Variants in SBF2 observed in about 807,000 individuals in gnomAD.
SBF2 encodes the protein myotubularin-related protein 13.
Under a neutral mutation model 225.2 loss-of-function variants are expected in SBF2, and 112 were observed. That is an observed-to-expected ratio of 0.50 (90% confidence interval 0.43 to 0.58). SBF2 has a LOEUF of 0.58. Ranked by LOEUF, SBF2 falls within the 20% of genes least tolerant of loss-of-function variation. The pLI is 0.00. For synonymous variants in SBF2, 763 were observed against 773.3 expected (o/e 0.99, Z 0.22); for missense variants, 1,996 against 2,206.2 (o/e 0.90, Z 1.91).
At chr11:10,017,933 C>A (rs1426817077) in intron 6 of SBF2, among the ~76,000 whole-genome samples, 2 of 152,104 alleles carry the variant, frequency 1.3e-5, no homozygotes, top group East Asian at 3.9e-4. Context: ...GTAATAACAT[C>A]AGATTTTTCC....
Position 10,002,560 on chromosome 11 carries a change from T to A in SBF2, c.749A>T (p.Tyr250Phe). Residue 250 changes from tyrosine (Y) to phenylalanine (F), a missense_variant, in exon 7 of 40, where the codon TAT (tyrosine) becomes TTT (phenylalanine). Coordinates refer to ENST00000256190, the MANE Select transcript of SBF2 (RefSeq NM_030962.4). ...ALESLMFPLK[Y>F]SYPYIPILPA... ...AATTAACAAATGAAAACCTCACCTA[T>A]ATTTAAGAGGAAACATTAAAGATTC... is the stretch of plus-strand genomic sequence containing the variant. 6.2e-7 allele frequency: 1 copy of A among 1,610,312 alleles called. No homozygotes were observed. The highest frequency in any genetic ancestry group is 8.5e-7 in the Non-Finnish European group (1 of 1,176,794).
chr11:9,854,793 G>A (rs888731859), intron 19 of SBF2, among the ~76,000 whole-genome samples: 1 of 152,100 alleles, frequency 6.6e-6, no homozygotes, highest in Admixed American at 6.5e-5. Context: ...GTCTCACTAT[G>A]TTGCCCAGGC....
chr11:9,881,826 T>G (rs188676749), intron 17 of SBF2, among the ~76,000 whole-genome samples: 210 of 151,318 alleles, frequency 1.4e-3, no homozygotes, highest in African/African-American at 5.0e-3. Flanking sequence ...CTAAAAAAAA[T>G]AAGAAGAAGA....
At chr11:10,051,725 C>T (rs548091907) in intron 2 of SBF2, among the ~76,000 whole-genome samples, 65 of 152,038 alleles carry the variant, frequency 4.3e-4, no homozygotes, top group Non-Finnish European at 7.1e-4. Context: ...TAGACATAGT[C>T]TATGTTACAC....
At chr11:10,003,391 G>A (rs1038028759) in intron 6 of SBF2, among the ~76,000 whole-genome samples, 7 of 147,282 alleles carry the variant, frequency 4.8e-5, no homozygotes, top group South Asian at 2.1e-4. Context: ...TTTTTGAGAC[G>A]GAGCCTTGCT....
chr11:9,938,062 C>T (rs907992795), intron 16 of SBF2, among the ~76,000 whole-genome samples: 27 of 151,744 alleles, frequency 1.8e-4, no homozygotes, highest in East Asian at 1.4e-3. Flanking sequence ...GGGGCCAAGG[C>T]GGGCGGATCA....
intron 2 of SBF2, among the ~76,000 whole-genome samples, chr11:10,192,959 T>C (rs144440260): frequency 6.7e-4 from 102 of 152,278 alleles, no homozygotes; most frequent in African/African-American, 2.4e-3. Context: ...TCCCTCAGTT[T>C]ACCACCATGG....
intron 2 of SBF2, among the ~76,000 whole-genome samples, chr11:10,162,480 C>T (rs563547482): frequency 6.6e-6 from 1 of 152,200 alleles, no homozygotes; most frequent in African/African-American, 2.4e-5. Flanking sequence ...TCATTGCAGG[C>T]CAGAGCAGCA....
intron 1 of SBF2, among the ~76,000 whole-genome samples, chr11:10,262,502 T>A (rs945364445): frequency 4.6e-5 from 7 of 152,176 alleles, no homozygotes; most frequent in African/African-American, 1.7e-4. Context: ...GGCAATATGA[T>A]AATTATCTTT....
chr11:10,288,115 A>G (rs1436179750), intron 1 of SBF2, among the ~76,000 whole-genome samples: 1 of 152,224 alleles, frequency 6.6e-6, no homozygotes, highest in Non-Finnish European at 1.5e-5. Flanking sequence ...TCACAGCCCT[A>G]GCTTGGGGAG....
intron 2 of SBF2, among the ~76,000 whole-genome samples, chr11:10,098,843 C>G (rs765322186): frequency 6.0e-5 from 9 of 149,996 alleles, no homozygotes; most frequent in Non-Finnish European, 1.2e-4. Flanking sequence ...GATTTCCAGT[C>G]AGAGGAGAAA....
chr11:10,232,353 G>A (rs193067030), intron 1 of SBF2, among the ~76,000 whole-genome samples: 66 of 152,210 alleles, frequency 4.3e-4, no homozygotes, highest in East Asian at 3.3e-3. Context: ...AGATGAACGC[G>A]GTACCTCAGT....
intron 17 of SBF2, among the ~76,000 whole-genome samples, chr11:9,884,214 C>T (rs1860066049): frequency 1.3e-5 from 2 of 152,170 alleles, no homozygotes; most frequent in African/African-American, 4.8e-5. Flanking sequence ...GATCTGAAAT[C>T]AGGAGACCTG....
At chr11:10,121,081 T>A (rs1953423328) in intron 2 of SBF2, among the ~76,000 whole-genome samples, 1 of 152,236 alleles carries the variant, frequency 6.6e-6, no homozygotes, top group South Asian at 2.1e-4. Flanking sequence ...TTTGTTTGTT[T>A]GTTTGTTTAA....
At chr11:9,793,336 C>T (rs545269706) in intron 33 of SBF2, among the ~76,000 whole-genome samples, 1 of 152,042 alleles carries the variant, frequency 6.6e-6, no homozygotes, top group African/African-American at 2.4e-5. Context: ...CCCGTGGGAC[C>T]AGTGGTGGGT....
chr11:10,066,594 T>TTGTACTCAGAGAAAA (rs1221076999), intron 2 of SBF2, among the ~76,000 whole-genome samples: 1 of 152,110 alleles, frequency 6.6e-6, no homozygotes, highest in Non-Finnish European at 1.5e-5. Flanking sequence ...AAACTCTGAG[T>TTGTACTCAGAGAAAA]ACACTAGGAG....
chr11:10,131,225 A>C (rs950780210), intron 2 of SBF2, among the ~76,000 whole-genome samples: 1 of 144,982 alleles, frequency 6.9e-6, no homozygotes, highest in Non-Finnish European at 1.5e-5. Flanking sequence ...TATTGCCACT[A>C]ATTTTTTTTT....
chr11:10,247,849 G>A (rs1445336280), intron 1 of SBF2, among the ~76,000 whole-genome samples: 1 of 152,072 alleles, frequency 6.6e-6, no homozygotes, highest in Non-Finnish European at 1.5e-5. Flanking sequence ...CAAAAATCAG[G>A]TGAGCCCTTA....
intron 13 of SBF2, among the ~76,000 whole-genome samples, chr11:9,981,655 G>A (rs2134434643): frequency 6.6e-6 from 1 of 152,140 alleles, no homozygotes; most frequent in Non-Finnish European, 1.5e-5. Flanking sequence ...ATCTTTGGAT[G>A]CCAATATTAT....
Sources: allele counts gnomAD v4.1 joint callset (sites outside exome capture counted in the v4.1 genomes callset), GRCh38; gene constraint gnomAD v4.1.1; transcripts MANE v1.5; gene names NCBI Gene and HGNC (gene_info 2026-07-23, HGNC 2026-07-21).